The following PRPF8 variants were observed in gnomAD, a reference collection of about 807,000 sequenced individuals.
PRPF8 encodes the protein pre-mRNA processing factor 8.
PRPF8 carries 64 observed loss-of-function variants against 285.9 expected under a neutral mutation model. That is an observed-to-expected ratio of 0.22 (90% CI 0.18 to 0.28). The LOEUF (loss-of-function observed/expected upper bound fraction) is 0.28. Ranked by LOEUF, PRPF8 falls within the 10% of genes least tolerant of loss-of-function variation. The pLI, the probability that PRPF8 is intolerant of heterozygous loss-of-function variation, is 1.00. For missense variants in PRPF8, 1,426 were observed against 3,026.7 expected (o/e 0.47, Z 12.41); for synonymous variants, 1,325 against 1,118.2 (o/e 1.18, Z -3.69).
At chr17:1,652,608 TG>T (rs112257217) in intron 39 of PRPF8, 7 of 153,908 alleles carry the variant, frequency 4.5e-5, no homozygotes, top group African/African-American at 1.7e-4. Flanking sequence ...GGCAGTGACA[TG>T]ATCTCAGCTC....
At chr17:1,656,306 G>T in intron 36 of PRPF8, 86 bp downstream of exon 36, 1 of 1,560,486 alleles carries the variant, frequency 6.4e-7, no homozygotes, top group Non-Finnish European at 8.8e-7. Context: ...CTAAAAATGT[G>T]AAAATGGCAA....
Position 1,676,154 on chromosome 17 carries a change from G to A in PRPF8, c.2552+53C>T, listed in dbSNP as rs894378693. ...TCTTTCTTTGGACTCTGAGGATGAC[G>A]CCATTCCCTGCTGTCACCTTCCCAG... On this transcript the variant is annotated intron_variant, in intron 17 of 42. Transcript: ENST00000304992. The surrounding 1 kb of genome is among the most constrained non-coding windows in gnomAD (Gnocchi z 6.3). 1.7e-5 allele frequency: 27 copies of A among 1,611,778 alleles called. No homozygotes were observed. The highest frequency in any genetic ancestry group is 1.7e-5 in the Admixed American group (1 of 59,984).
intron 24 of PRPF8, among the ~76,000 whole-genome samples, chr17:1,666,024 G>A (rs533172950): frequency 7.1e-4 from 108 of 151,288 alleles, no homozygotes; most frequent in Middle Eastern, 6.9e-3. Flanking sequence ...AATATTAGCC[G>A]GGTGTGGTGG....
At position 1,676,324 on chromosome 17, in the gene PRPF8, G is replaced by T; in HGVS notation, c.2435C>A (p.Thr812Asn). ...GCGGCTTTCCAACCAATGCACTGTG[G>T]TGGTATATACTGCCACTGCTTCCTC... Reference protein sequence around the residue: ...TAEEAVAVYTTTVHWLESRRF... With the variant: ...TAEEAVAVYTNTVHWLESRRF... Residue 812 changes from threonine to asparagine, a missense_variant, in exon 17 of 43, where the codon ACC becomes AAC. Thr to Asn is a moderately conservative substitution (Grantham distance 65). Transcript: ENST00000304992. The surrounding 1 kb of genome is among the most constrained non-coding windows in gnomAD (Gnocchi z 6.3). The T allele has an allele frequency of 1.2e-6, 2 of 1,614,176 alleles. No individual in the cohort carries two copies. Among genetic ancestry groups the T allele is most frequent in the Non-Finnish European group, 1.7e-6 (2 of 1,180,048 alleles).
intron 24 of PRPF8, among the ~76,000 whole-genome samples, chr17:1,672,271 A>T (rs1352873757): frequency 6.6e-6 from 1 of 152,162 alleles, no homozygotes; most frequent in Non-Finnish European, 1.5e-5. Flanking sequence ...AGAGTAAGGT[A>T]ACTTTTTTTT....
Position 1,661,286 on chromosome 17 carries a change from G to C in PRPF8, c.4323C>G (p.Asp1441Glu). 1 of 1,614,174 alleles carries C rather than the reference G, an allele frequency of 6.2e-7. No homozygotes were observed. The highest frequency in any genetic ancestry group is 1.1e-5 in the South Asian group (1 of 91,080). The change falls in exon 27 of 43, where the codon GAC becomes GAG. Residue 1441 changes from aspartate to glutamate, a missense_variant. This residue lies in a region of PRPF8 where 40 missense variants were observed against 121.6 expected (regional missense o/e 0.33). Coordinates refer to ENST00000304992, the MANE Select transcript of PRPF8 (RefSeq NM_006445.4). The surrounding 1 kb of genome is among the most constrained non-coding windows in gnomAD (Gnocchi z 7.3). The part of the protein sequence containing the change: ...AYDKGWRVRT[D>E]FKQYQVLKQN... ...CTCTACATACCTGATACTGCTTAAA[G>C]TCAGTTCTGACACGCCAGCCCTTAT... is the stretch of plus-strand genomic sequence containing the variant.
Position 1,654,283 on chromosome 17 carries a change from C to G in PRPF8, c.5988-267G>C, listed in dbSNP as rs148728625. On this transcript the variant is annotated intron_variant, in intron 37 of 42. Coordinates refer to ENST00000304992, the MANE Select transcript of PRPF8 (RefSeq NM_006445.4). ...ACGCTTCCTTGACCAAAACAATGCT[C>G]TGGCATGGAACTGTTCTCAGAAATG... 968 of 595,584 alleles carry G rather than the reference C, an allele frequency of 1.6e-3. 4 individuals are homozygous for G. The highest frequency in any genetic ancestry group is 3.1e-3 in the Middle Eastern group (7 of 2,232). The allele number at this position is 595,584 out of a possible 1,614,324, so 36.9% of individuals were successfully genotyped here.
chr17:1,675,864 T>C lies in PRPF8; in HGVS notation c.2680-52A>G, dbSNP rs757639752. Reference sequence around the variant, plus strand: ...CCAATCCACCAACTGCTACCTTTGGTAGAACCAAAGGCAACTGCTACCTTT... The same window carrying C: ...CCAATCCACCAACTGCTACCTTTGGCAGAACCAAAGGCAACTGCTACCTTT... On this transcript the variant is annotated intron_variant, in intron 18 of 42. Coordinates refer to ENST00000304992, the MANE Select transcript of PRPF8 (RefSeq NM_006445.4). This position sits in a 1 kb window ranked among gnomAD's most constrained non-coding sequence, Gnocchi z 6.0. The C allele has an allele frequency of 6.2e-6, 10 of 1,605,820 alleles. No individual in the cohort carries two copies. The Admixed American group carries it at 1.7e-4, about 27-fold the overall frequency.
intron 42 of PRPF8, 44 bp from the exon 43 acceptor site, chr17:1,651,000 T>C: frequency 6.2e-7 from 1 of 1,614,164 alleles, no homozygotes; most frequent in Non-Finnish European, 8.5e-7. Flanking sequence ...GGCTCCTGCC[T>C]CATGCAGCCT....
chr17:1,672,061 A>C (rs1320599867), intron 24 of PRPF8, among the ~76,000 whole-genome samples: 1 of 152,066 alleles, frequency 6.6e-6, no homozygotes. Context: ...CTGAAATCCA[A>C]AACATTTCTG....
chr17:1,662,250 A>G, intron 24 of PRPF8, 97 bp from the exon 25 acceptor site: 2 of 1,398,880 alleles, frequency 1.4e-6, no homozygotes, highest in South Asian at 1.2e-5. Flanking sequence ...ACTACTAAAG[A>G]AAGATTTGAG....
In PRPF8 at chr17:1,675,167, G is replaced by A. The variant is rs770535800; in HGVS notation, c.3045C>T (p.Val1015=). 68 of 1,613,786 alleles carry A rather than the reference G, an allele frequency of 4.2e-5. No individual in the cohort carries two copies. The highest frequency in any genetic ancestry group is 3.6e-4 in the East Asian group (16 of 44,884). ...IADYMTAKNN[V]VINYKDMNHT... Reference sequence around the variant, plus strand: ...TGAGACGCACCTTATAGTTGATGACGACGTTGTTCTTGGCTGTCATGTAGT... The same window carrying A: ...TGAGACGCACCTTATAGTTGATGACAACGTTGTTCTTGGCTGTCATGTAGT... The change falls in exon 20 of 43, where the codon GTC becomes GTT. Residue 1015 remains valine, a synonymous_variant. Coordinates refer to ENST00000304992, the MANE Select transcript of PRPF8 (RefSeq NM_006445.4). This position sits in a 1 kb window ranked among gnomAD's most constrained non-coding sequence, Gnocchi z 6.0.
intron 24 of PRPF8, among the ~76,000 whole-genome samples, chr17:1,666,318 G>C (rs758804730): frequency 2.0e-5 from 3 of 152,124 alleles, no homozygotes; most frequent in Admixed American, 6.5e-5. Context: ...GGGAGCCCAG[G>C]GGGGTGGATT....
rs1306736694 is a variant in PRPF8 at position 1,653,685 on chromosome 17, TA to T, written c.6228-3del. 3 of 1,614,022 alleles carry T rather than the reference TA, an allele frequency of 1.9e-6. No individual in the cohort carries two copies. The highest frequency in any genetic ancestry group is 2.5e-6 in the Non-Finnish European group (3 of 1,180,038). ...TGCAGGTTGGCAGCAGAGATGGCCC[TA>T]AAAACAGGCAGGGAGTGTCAGCATC... On this transcript the variant is annotated splice_region_variant and splice_polypyrimidine_tract_variant and intron_variant, in intron 38 of 42. Coordinates refer to ENST00000304992, the MANE Select transcript of PRPF8 (RefSeq NM_006445.4). The surrounding 1 kb of genome is among the most constrained non-coding windows in gnomAD (Gnocchi z 4.9).
Position 1,673,298 on chromosome 17 carries a change from T to G in PRPF8, c.3657+59A>C. The G allele has an allele frequency of 6.2e-7, 1 of 1,608,576 alleles. No individual in the cohort carries two copies. Among genetic ancestry groups the G allele is most frequent in the Non-Finnish European group, 8.5e-7 (1 of 1,175,656 alleles). ...GTCTTTCCACCCAACAAGACTCCGGTGACTGACCCAGGAAGTGCAGGCGCG... is the reference window on the plus strand; with the variant it reads ...GTCTTTCCACCCAACAAGACTCCGGGGACTGACCCAGGAAGTGCAGGCGCG... On this transcript the variant is annotated intron_variant, in intron 23 of 42. Coordinates refer to ENST00000304992, the MANE Select transcript of PRPF8 (RefSeq NM_006445.4). This position sits in a 1 kb window ranked among gnomAD's most constrained non-coding sequence, Gnocchi z 5.5.
intron 24 of PRPF8, among the ~76,000 whole-genome samples, chr17:1,668,354 C>CTTTTT (rs970795981): frequency 8.5e-4 from 90 of 105,568 alleles, no homozygotes; most frequent in Non-Finnish European, 1.3e-3. Flanking sequence ...GTCTAGCATT[C>CTTTTT]TTTTTTTTTT....
chr17:1,675,912 G>A lies in PRPF8; in HGVS notation c.2679+16C>T. 1.2e-6 allele frequency: 2 copies of A among 1,614,092 alleles called. No homozygotes were observed. Among genetic ancestry groups the A allele is most frequent in the Non-Finnish European group, 1.7e-6 (2 of 1,179,994 alleles). ...TTTGGTAGAACCAAAAAGAAAACTT[G>A]GGAGGCCTCACTCACCTCTTTGAAG... is the stretch of plus-strand genomic sequence containing the variant. On this transcript the variant is annotated intron_variant, in intron 18 of 42. Transcript: ENST00000304992. This position sits in a 1 kb window ranked among gnomAD's most constrained non-coding sequence, Gnocchi z 6.0.
chr17:1,655,505 A>G lies in PRPF8; in HGVS notation c.5832T>C (p.His1944=), dbSNP rs774997277. Residue 1944 remains histidine (H), a synonymous_variant, in exon 37 of 43, where the codon CAT becomes CAC. Coordinates refer to ENST00000304992, the MANE Select transcript of PRPF8 (RefSeq NM_006445.4). ...SRLILILRAL[H]VNNDRAKVIL... is the part of the protein sequence containing the mutation. ...TCACTTTTGCCCGATCGTTGTTCAC[A>G]TGTAGGGCACGCAGAATCAGGATGA... 1.2e-6 allele frequency: 2 copies of G among 1,613,908 alleles called. No individual in the cohort carries two copies. The highest frequency in any genetic ancestry group is 1.1e-5 in the South Asian group (1 of 91,082).
At chr17:1,655,736 C>G (rs1173347816) in intron 36 of PRPF8, among the ~76,000 whole-genome samples, 193 bp from the exon 37 acceptor site, 3 of 150,914 alleles carry the variant, frequency 2.0e-5, no homozygotes, top group Non-Finnish European at 4.4e-5. Flanking sequence ...ATACCATTCT[C>G]CTGCCTCAGC....
Sources: allele counts gnomAD v4.1 joint callset (sites outside exome capture counted in the v4.1 genomes callset), GRCh38; gene constraint gnomAD v4.1.1; regional missense constraint gnomAD v4.1.1; non-coding constraint Gnocchi (gnomAD v3.1); transcripts MANE v1.5; gene names NCBI Gene and HGNC (gene_info 2026-07-23, HGNC 2026-07-21).